The following NDUFA6 variants were observed in gnomAD, a reference collection of about 807,000 sequenced individuals.
NDUFA6 encodes NADH dehydrogenase [ubiquinone] 1 alpha subcomplex subunit 6.
Under a neutral mutation model 12.5 loss-of-function variants are expected in NDUFA6, and 10 were observed. That is an observed-to-expected ratio of 0.80 (90% confidence interval 0.49 to 1.35). The LOEUF (loss-of-function observed/expected upper bound fraction) is 1.35, where lower values mean the gene tolerates loss of function less well. NDUFA6 is among the 40% of genes most tolerant of loss of function. The pLI is 0.00. For synonymous variants in NDUFA6, 66 were observed against 63.0 expected, an observed-to-expected ratio of 1.05 and a Z score of -0.23; for missense variants, 177 against 173.5, an observed-to-expected ratio of 1.02 and a Z score of -0.11.
chr22:42,086,167 T>C lies in NDUFA6; in HGVS notation c.*16A>G. ...CTCTAAAATAGTATCAACGTGCATC[T>C]TTCCACTGAATGACTTCATGGATCG... On this transcript the variant is annotated 3_prime_UTR_variant, in exon 3 of 3. Coordinates refer to ENST00000498737, the MANE Select transcript of NDUFA6 (RefSeq NM_002490.6). The C allele has an allele frequency of 6.2e-7, 1 of 1,614,260 alleles. No individual in the cohort carries two copies. Among genetic ancestry groups the C allele is most frequent in the Non-Finnish European group, 8.5e-7 (1 of 1,180,046 alleles).
At chr22:42,089,246 A>G (rs1488026866) in intron 1 of NDUFA6, among the ~76,000 whole-genome samples, 1 of 151,876 alleles carries the variant, frequency 6.6e-6, no homozygotes, top group Non-Finnish European at 1.5e-5. Flanking sequence ...GCAACCAGAG[A>G]GGGTTCTGGG....
intron 1 of NDUFA6, 112 bp from the exon 2 acceptor site, chr22:42,087,287 A>AG: frequency 1.2e-6 from 1 of 828,210 alleles, no homozygotes; most frequent in Non-Finnish European, 2.1e-6. Flanking sequence ...TCACCAAAAA[A>AG]TTAGCCTGAC....
At position 42,086,029 on chromosome 22, in the gene NDUFA6, A is replaced by T. The variant is rs1928214720; in HGVS notation, c.*154T>A. On this transcript the variant is annotated 3_prime_UTR_variant, in exon 3 of 3. Transcript: ENST00000498737. Reference sequence around the variant, plus strand: ...CACATTTCAAGAAAAGGGAAAGAACAGGTGATGTGTATACCAAGGTCCCAC... The same window carrying T: ...CACATTTCAAGAAAAGGGAAAGAACTGGTGATGTGTATACCAAGGTCCCAC... The T allele has an allele frequency of 4.5e-6, 4 of 897,512 alleles. No homozygotes were observed. The highest frequency in any genetic ancestry group is 4.1e-5 in the South Asian group (3 of 73,484). 55.6% of individuals were successfully genotyped at this position (897,512 alleles called of 1,614,324 possible).
At position 42,085,909 on chromosome 22, in the gene NDUFA6, A is replaced by G. The variant is rs1191023386; in HGVS notation, c.*274T>C. 4 of 549,282 alleles carry G rather than the reference A, an allele frequency of 7.3e-6. No homozygotes were observed. The highest frequency in any genetic ancestry group is 1.3e-5 in the Non-Finnish European group (4 of 306,970). The allele number at this position is 549,282 out of a possible 1,614,324, so 34.0% of individuals were successfully genotyped here. A position where few individuals can be genotyped will look rare whatever the true frequency, so the allele number is the denominator to read the frequency against. On this transcript the variant is annotated 3_prime_UTR_variant, in exon 3 of 3. Coordinates refer to ENST00000498737, the MANE Select transcript of NDUFA6 (RefSeq NM_002490.6). The stretch of plus-strand genomic sequence containing the variant: ...AACAAGTCGTCCAGCCTCATGCCCA[A>G]TGTCACAATTTTTGAACAGATGGCC...
At chr22:42,090,133 G>C in intron 1 of NDUFA6, 1 of 213,044 alleles carries the variant, frequency 4.7e-6, no homozygotes, top group Non-Finnish European at 9.8e-6. Context: ...CTTGCAGTGA[G>C]CCGAGATCGC....
rs1393821347 is a variant in NDUFA6 at position 42,087,088 on chromosome 22, G to A, written c.227C>T (p.Pro76Leu). 7 of 1,613,924 alleles carry A rather than the reference G, an allele frequency of 4.3e-6. No individual in the cohort carries two copies. Among genetic ancestry groups the A allele is most frequent in the Non-Finnish European group, 5.9e-6 (7 of 1,179,906 alleles). Residue 76 changes from proline to leucine, a missense_variant, in exon 2 of 3, where the codon CCC (proline) becomes CTC (leucine). Physicochemically the swap from Pro to Leu is moderately conservative, Grantham distance 98. Transcript: ENST00000498737. ...MFMKNAHVTD[P>L]RVVDLLVIKG... is the part of the protein sequence containing the mutation. Reference sequence around the variant, plus strand: ...AATGACCAGAAGATCAACCACCCTGGGGTCTGTGACATGGGCATTCTTCAT... The same window carrying A: ...AATGACCAGAAGATCAACCACCCTGAGGTCTGTGACATGGGCATTCTTCAT...
chr22:42,090,679 A>C lies in NDUFA6; in HGVS notation c.66T>G (p.Ser22Arg). The change falls in exon 1 of 3, where the codon AGT becomes AGG. Residue 22 changes from serine to arginine, a missense_variant. Ser to Arg is a moderately radical substitution (Grantham distance 110). Around this residue, in one of 3 missense-constraint regions of NDUFA6, gnomAD observed 111 missense variants for 87.2 expected, o/e 1.27. Coordinates refer to ENST00000498737, the MANE Select transcript of NDUFA6 (RefSeq NM_002490.6). ...TASTFVKPIFSRDMNEAKRRV... is the reference protein window; with the variant it reads ...TASTFVKPIFRRDMNEAKRRV... ...TCCGCTTGGCCTCGTTCATGTCCCG[A>C]CTGAAAATGGGCTTCACGAAGGTGC... 1 of 1,614,032 alleles carries C rather than the reference A, an allele frequency of 6.2e-7. No individual in the cohort carries two copies. Among genetic ancestry groups the C allele is most frequent in the Non-Finnish European group, 8.5e-7 (1 of 1,180,008 alleles).
chr22:42,088,393 G>A (rs1466482631), intron 1 of NDUFA6, among the ~76,000 whole-genome samples: 4 of 151,092 alleles, frequency 2.6e-5, no homozygotes, highest in East Asian at 3.9e-4. Flanking sequence ...CGGCCTGGGC[G>A]ACAGAGCGAG....
Position 42,086,001 on chromosome 22 carries a change from C to T in NDUFA6, c.*182G>A. 1.3e-6 allele frequency: 1 copy of T among 746,710 alleles called. No homozygotes were observed. Among genetic ancestry groups the T allele is most frequent in the Non-Finnish European group, 2.3e-6 (1 of 438,906 alleles). 46.3% of individuals were successfully genotyped at this position (746,710 alleles called of 1,614,324 possible). A position where few individuals can be genotyped will look rare whatever the true frequency, so the allele number is the denominator to read the frequency against. On this transcript the variant is annotated 3_prime_UTR_variant, in exon 3 of 3. Transcript: ENST00000498737. ...ATAATTCAATCCAATTTACAGCAAACACCACATTTCAAGAAAAGGGAAAGA... is the reference window on the plus strand; with the variant it reads ...ATAATTCAATCCAATTTACAGCAAATACCACATTTCAAGAAAAGGGAAAGA...
At chr22:42,087,024 G>T in intron 2 of NDUFA6, 36 bp downstream of exon 2, 3 of 1,409,764 alleles carry the variant, frequency 2.1e-6, no homozygotes, top group Non-Finnish European at 3.0e-6. Context: ...GGACAAGTTG[G>T]CTGATCTTTT....
chr22:42,089,181 C>G (rs567683463), intron 1 of NDUFA6, among the ~76,000 whole-genome samples: 23 of 152,120 alleles, frequency 1.5e-4, no homozygotes, highest in African/African-American at 5.3e-4. Context: ...CTGATTTACC[C>G]TTCACAAGCC....
intron 1 of NDUFA6, 174 bp from the exon 2 acceptor site, chr22:42,087,349 A>G: frequency 1.6e-6 from 1 of 630,014 alleles, no homozygotes; most frequent in Admixed American, 2.5e-5. Flanking sequence ...ATTTGCTCTC[A>G]AGGAACTTAT....
rs771519097 is a variant in NDUFA6 at position 42,086,155 on chromosome 22, T to C, written c.*28A>G. The C allele has an allele frequency of 6.2e-7, 1 of 1,614,182 alleles. No homozygotes were observed. The highest frequency in any genetic ancestry group is 1.3e-5 in the African/African-American group (1 of 75,062). On this transcript the variant is annotated 3_prime_UTR_variant, in exon 3 of 3. Transcript: ENST00000498737. ...AGTTTATTTGTGCTCTAAAATAGTA[T>C]CAACGTGCATCTTTCCACTGAATGA...
In NDUFA6 at chr22:42,086,213, T is replaced by C. The variant is rs771593412; in HGVS notation, c.357A>G (p.Leu119=). 8 of 1,614,138 alleles carry C rather than the reference T, an allele frequency of 5.0e-6. No homozygotes were observed. The highest frequency in any genetic ancestry group is 6.8e-6 in the Non-Finnish European group (8 of 1,180,054). The change falls in exon 3 of 3, where the codon CTA becomes CTG. Residue 119 remains leucine, a synonymous_variant. Coordinates refer to ENST00000498737, the MANE Select transcript of NDUFA6 (RefSeq NM_002490.6). ...GATCGTGGCCAACATAGAACTTGGA[T>C]AGGAAATCCTTTGGCCTTGGCGCTT... is the stretch of plus-strand genomic sequence containing the variant. ...ETEAPRPKDF[L]SKFYVGHDP
rs950737737 is a variant in NDUFA6, at chr22:42,090,770, C to T, written c.-26G>A. 6.2e-7 allele frequency: 1 copy of T among 1,614,232 alleles called. No homozygotes were observed. The highest frequency in any genetic ancestry group is 1.7e-5 in the Admixed American group (1 of 60,030). On this transcript the variant is annotated 5_prime_UTR_variant, in exon 1 of 3. Coordinates refer to ENST00000498737, the MANE Select transcript of NDUFA6 (RefSeq NM_002490.6). ...CTTGCCAAAGCATCCACTCCACAACCCCACCCCTTTGCAAGCAGCGCGTGC... is the reference window on the plus strand; with the variant it reads ...CTTGCCAAAGCATCCACTCCACAACTCCACCCCTTTGCAAGCAGCGCGTGC...
chr22:42,090,479 C>T, intron 1 of NDUFA6, 127 bp downstream of exon 1: 1 of 1,201,140 alleles, frequency 8.3e-7, no homozygotes, highest in South Asian at 1.2e-5. Context: ...CCCTCTTCCC[C>T]TGAAGCACCC....
In NDUFA6 at chr22:42,086,293, T is replaced by C; in HGVS notation, c.277A>G (p.Thr93Ala). 1 of 1,614,236 alleles carries C rather than the reference T, an allele frequency of 6.2e-7. No homozygotes were observed. The highest frequency in any genetic ancestry group is 8.5e-7 in the Non-Finnish European group (1 of 1,180,036). ...VIKGKIELEE[T>A]IKVWKQRTHV... ...GTCCGCTGCTTCCATACTTTAATTGTTTCTTCCAGTTCGATCTTTCCCTGA... is the reference window on the plus strand; with the variant it reads ...GTCCGCTGCTTCCATACTTTAATTGCTTCTTCCAGTTCGATCTTTCCCTGA... The change falls in exon 3 of 3, where the codon ACA becomes GCA. Residue 93 changes from threonine to alanine, a missense_variant. Thr to Ala is a moderately conservative substitution (Grantham distance 58). Transcript: ENST00000498737.
chr22:42,090,586 C>A lies in NDUFA6; in HGVS notation c.139+20G>T, dbSNP rs1048242599. 6.2e-7 allele frequency: 1 copy of A among 1,612,980 alleles called. No individual in the cohort carries two copies. Among genetic ancestry groups the A allele is most frequent in the Non-Finnish European group, 8.5e-7 (1 of 1,179,836 alleles). ...TTGAGCGGCGGCCTCCGGGTCCCCA[C>A]GTAAGCCGCTACCTCTCACCAGTGT... On this transcript the variant is annotated intron_variant, in intron 1 of 2. Transcript: ENST00000498737.
intron 1 of NDUFA6, among the ~76,000 whole-genome samples, chr22:42,087,801 CA>C (rs56321821): frequency 1.4e-5 from 2 of 141,412 alleles, no homozygotes; most frequent in Admixed American, 1.5e-4. Context: ...GACTCCGTCT[CA>C]AAAAAAATAA....
Sources: gnomAD v4.1 joint callset for allele counts (sites outside exome capture counted in the v4.1 genomes callset) on GRCh38, gnomAD v4.1.1 for gene constraint, gnomAD v4.1.1 regional missense constraint, MANE v1.5 for transcripts, NCBI Gene and HGNC (gene_info 2026-07-23, HGNC 2026-07-21) for gene names.